KTN1: variants seen among roughly 807,000 people sequenced by gnomAD.
The protein encoded by KTN1 is kinectin.
A neutral mutation model predicts 222.5 loss-of-function variants in KTN1; 130 were observed. The observed-to-expected ratio is 0.58, with a 90% CI of 0.51 to 0.68. The LOEUF (loss-of-function observed/expected upper bound fraction) is 0.68. Among genes scored for constraint, KTN1 ranks in the 30% least tolerant of loss-of-function variants. The pLI is 0.00. For synonymous variants in KTN1, 512 were observed against 496.3 expected, an observed-to-expected ratio of 1.03 and a Z score of -0.42; for missense variants, 1,508 against 1,500.4, an observed-to-expected ratio of 1.01 and a Z score of -0.08.
intron 40 of KTN1, chr14:55,674,181 A>C (rs1400379988): frequency 6.6e-6 from 1 of 152,108 alleles, no homozygotes; most frequent in Non-Finnish European, 1.5e-5. Flanking sequence ...ATTTATGGGA[A>C]TCAATTTTTA....
At chr14:55,598,366 C>T (rs934509813) in intron 1 of KTN1, among the ~76,000 whole-genome samples, 1 of 145,984 alleles carries the variant, frequency 6.9e-6, no homozygotes, top group Non-Finnish European at 1.5e-5. Context: ...GCCCAGGAGG[C>T]GGAGCTTGCA....
chr14:55,683,259 T>C (rs1007019471), intron 43 of KTN1: 5 of 152,156 alleles, frequency 3.3e-5, no homozygotes, highest in Non-Finnish European at 7.4e-5. Context: ...AATTTTCCAA[T>C]TGCTTCTTTC....
At chr14:55,583,822 C>T (rs1418277402) in intron 1 of KTN1, among the ~76,000 whole-genome samples, 1 of 152,172 alleles carries the variant, frequency 6.6e-6, no homozygotes, top group African/African-American at 2.4e-5. Flanking sequence ...CGTATTTTTC[C>T]TCAAACATGT....
At chr14:55,639,756 A>ATG (rs2041570536) in intron 13 of KTN1, among the ~76,000 whole-genome samples, 157 bp from the exon 14 acceptor site, 1 of 151,798 alleles carries the variant, frequency 6.6e-6, no homozygotes, top group Admixed American at 6.6e-5. Flanking sequence ...AGTTATAGTA[A>ATG]TGTGTGTGAC....
At chr14:55,640,290 T>G (rs1595030815) in intron 14 of KTN1, 84 bp from the exon 15 acceptor site, 2 of 959,462 alleles carry the variant, frequency 2.1e-6, no homozygotes, top group Non-Finnish European at 3.2e-6. Context: ...AGACATTTGC[T>G]TAACTCTTTT....
At position 55,641,758 on chromosome 14, in the gene KTN1, C is replaced by A. The variant is rs368227576; in HGVS notation, c.2170C>A (p.Gln724Lys). 28 of 1,563,452 alleles carry A rather than the reference C, an allele frequency of 1.8e-5. No homozygotes were observed. Among genetic ancestry groups the A allele is most frequent in the Non-Finnish European group, 2.4e-5 (27 of 1,134,974 alleles). The part of the protein sequence containing the change: ...VQKLQTLVSE[Q>K]PNKDVVEQME... ...GAAGCTACAGACTCTTGTTTCTGAA[C>A]AGGTAAGGCTTTTCCTAAATTACAA... The change falls in exon 18 of 44, where the codon CAG becomes AAG. Residue 724 changes from glutamine to lysine, a missense_variant and splice_region_variant. Gln to Lys is a moderately conservative substitution (Grantham distance 53). Transcript: ENST00000395314.
intron 32 of KTN1, chr14:55,662,882 T>C (rs1390240345): frequency 1.1e-5 from 5 of 455,978 alleles, no homozygotes; most frequent in Non-Finnish European, 2.2e-5. Flanking sequence ...AACTGTGTTT[T>C]ATTATTGGAC....
intron 1 of KTN1, among the ~76,000 whole-genome samples, chr14:55,586,324 A>G (rs368437545): frequency 1.2e-4 from 19 of 152,324 alleles, no homozygotes; most frequent in African/African-American, 4.6e-4. Context: ...CCTAAGGCTC[A>G]TTAAGGAATT....
chr14:55,608,519 G>T (rs1016869912), intron 1 of KTN1, among the ~76,000 whole-genome samples: 3 of 151,892 alleles, frequency 2.0e-5, no homozygotes, highest in African/African-American at 7.3e-5. Context: ...CAAAGTTTTA[G>T]TGTTCATGGT....
At chr14:55,593,138 A>T (rs1187946252) in intron 1 of KTN1, among the ~76,000 whole-genome samples, 2 of 152,022 alleles carry the variant, frequency 1.3e-5, no homozygotes, top group Non-Finnish European at 2.9e-5. Flanking sequence ...TTGCTTTTTC[A>T]TAATCACCTG....
chr14:55,671,586 A>G lies in KTN1; in HGVS notation c.3369A>G (p.Lys1123=). The change falls in exon 36 of 44, where the codon AAA becomes AAG. Residue 1123 remains lysine, a synonymous_variant. Coordinates refer to ENST00000395314, the MANE Select transcript of KTN1 (RefSeq NM_001079521.2). ...TGCAGGTTCTAGAGCACAAGTTGAA[A>G]GAAGCTGATGAAATGCACACATTGT... ...EEVKVLEHKL[K]EADEMHTLLQ... 6.2e-7 allele frequency: 1 copy of G among 1,611,778 alleles called. No homozygotes were observed. Among genetic ancestry groups the G allele is most frequent in the South Asian group, 1.1e-5 (1 of 90,260 alleles).
intron 1 of KTN1, among the ~76,000 whole-genome samples, chr14:55,604,940 T>A (rs979080252): frequency 6.6e-6 from 1 of 152,232 alleles, no homozygotes; most frequent in South Asian, 2.1e-4. Flanking sequence ...CTCTTACTGC[T>A]GATTTTTCCC....
At chr14:55,635,742 G>A (rs1304774492) in intron 9 of KTN1, among the ~76,000 whole-genome samples, 1 of 152,154 alleles carries the variant, frequency 6.6e-6, no homozygotes. Flanking sequence ...TTCAATTTGT[G>A]TAAGTTAAAT....
intron 5 of KTN1, among the ~76,000 whole-genome samples, chr14:55,625,142 C>T (rs915036785): frequency 1.3e-5 from 2 of 152,148 alleles, no homozygotes; most frequent in African/African-American, 4.8e-5. Flanking sequence ...CTGCCACTTG[C>T]AGCTTTGTGG....
intron 28 of KTN1, among the ~76,000 whole-genome samples, chr14:55,655,557 G>T (rs560600988): frequency 6.6e-6 from 1 of 152,156 alleles, no homozygotes; most frequent in East Asian, 1.9e-4. Flanking sequence ...TTATGCTAGC[G>T]GTCTATTGCT....
chr14:55,674,142 T>C (rs141420329), intron 40 of KTN1: 77 of 152,254 alleles, frequency 5.1e-4, no homozygotes, highest in African/African-American at 1.7e-3. Context: ...CTCATTCATT[T>C]GTGGTTGGTA....
At chr14:55,642,329 C>T (rs192696115) in intron 18 of KTN1, among the ~76,000 whole-genome samples, 459 of 152,090 alleles carry the variant, frequency 3.0e-3, no homozygotes, top group Non-Finnish European at 3.9e-3. Context: ...TTATTTTATC[C>T]ATCTCATCTC....
chr14:55,680,859 G>C, intron 43 of KTN1: 1 of 449,350 alleles, frequency 2.2e-6, no homozygotes, highest in Non-Finnish European at 4.1e-6. Context: ...GACTTCTCCA[G>C]TTTCCCAATG....
At chr14:55,673,483 C>T in intron 40 of KTN1, 1 of 342,468 alleles carries the variant, frequency 2.9e-6, no homozygotes, top group Non-Finnish European at 5.2e-6. Context: ...GTTTGGCTTC[C>T]AACTCTTTTT....
Sources: gnomAD v4.1 joint callset for allele counts (sites outside exome capture counted in the v4.1 genomes callset) on GRCh38, gnomAD v4.1.1 for gene constraint, MANE v1.5 for transcripts, NCBI Gene and HGNC (gene_info 2026-07-23, HGNC 2026-07-21) for gene names.